Variants in CREB3L2 observed in about 807,000 individuals in gnomAD.
The protein encoded by CREB3L2 is cyclic AMP-responsive element-binding protein 3-like protein 2.
CREB3L2 carries 23 observed loss-of-function variants against 57.2 expected under a neutral mutation model. The observed-to-expected ratio is 0.40, with a 90% CI of 0.29 to 0.57. The LOEUF is 0.57. CREB3L2 is among the 20% of genes least tolerant of loss of function. The pLI is 0.42. For synonymous variants in CREB3L2, 268 were observed against 265.1 expected (o/e 1.01, Z -0.11); for missense variants, 628 against 634.7 (o/e 0.99, Z 0.11).
chr7:137,991,859 G>C (rs1336725717), intron 1 of CREB3L2, among the ~76,000 whole-genome samples: 1 of 150,138 alleles, frequency 6.7e-6, no homozygotes, highest in African/African-American at 2.5e-5. Flanking sequence ...AGTGAGCCAA[G>C]ATCACGCCAT....
At chr7:137,973,419 C>T (rs988097471) in intron 1 of CREB3L2, among the ~76,000 whole-genome samples, 3 of 152,134 alleles carry the variant, frequency 2.0e-5, no homozygotes, top group Non-Finnish European at 4.4e-5. Context: ...CCCACCGGCG[C>T]CTATTCTCTT....
intron 1 of CREB3L2, chr7:137,953,324 G>C: frequency 2.3e-6 from 1 of 425,564 alleles, no homozygotes; most frequent in Non-Finnish European, 4.4e-6. Context: ...TTGATTAACT[G>C]CTACTCCACA....
chr7:137,928,636 G>T (rs527317309), intron 1 of CREB3L2, among the ~76,000 whole-genome samples: 1 of 152,294 alleles, frequency 6.6e-6, no homozygotes, highest in East Asian at 1.9e-4. Flanking sequence ...GCACATTAGT[G>T]GGAAGGCTGG....
intron 10 of CREB3L2, among the ~76,000 whole-genome samples, chr7:137,883,401 G>C (rs1432599470): frequency 2.0e-5 from 3 of 152,126 alleles, no homozygotes; most frequent in African/African-American, 7.2e-5. Context: ...GACCCCCAGT[G>C]GACGGCTGAA....
At chr7:137,892,443 G>A (rs1340725818) in intron 8 of CREB3L2, among the ~76,000 whole-genome samples, 1 of 151,732 alleles carries the variant, frequency 6.6e-6, no homozygotes. Flanking sequence ...TTGAGGTCAG[G>A]AGTTCGAGAC....
At chr7:137,971,860 C>T (rs1236791477) in intron 1 of CREB3L2, among the ~76,000 whole-genome samples, 1 of 151,486 alleles carries the variant, frequency 6.6e-6, no homozygotes, top group East Asian at 1.9e-4. Flanking sequence ...ATGAACAATA[C>T]ACGGCCATTA....
At chr7:137,928,620 GAC>G (rs1329111456) in intron 1 of CREB3L2, among the ~76,000 whole-genome samples, 1 of 152,158 alleles carries the variant, frequency 6.6e-6, no homozygotes, top group Non-Finnish European at 1.5e-5. Flanking sequence ...TGTGTTCCCT[GAC>G]ACAGCACATT....
intron 1 of CREB3L2, among the ~76,000 whole-genome samples, chr7:137,972,734 T>G (rs1208020960): frequency 5.0e-3 from 116 of 23,388 alleles, no homozygotes; most frequent in Non-Finnish European, 5.6e-3. Context: ...TATATATATA[T>G]ATAGAGAGAG....
At position 137,879,393 on chromosome 7, in the gene CREB3L2, G is replaced by A. The variant is rs373410712; in HGVS notation, c.*1083C>T. 5 of 459,064 alleles carry A rather than the reference G, an allele frequency of 1.1e-5. No individual in the cohort carries two copies. The highest frequency in any genetic ancestry group is 4.4e-4 in the Middle Eastern group (1 of 2,292). 28.4% of individuals were successfully genotyped at this position (459,064 alleles called of 1,614,324 possible). On this transcript the variant is annotated 3_prime_UTR_variant, in exon 12 of 12. Transcript: ENST00000330387. ...GAAAGCCAGCAAGGTTGTCTGAAAT[G>A]TCTGTTGTCAGAACAGGGCTTCCCC...
intron 1 of CREB3L2, among the ~76,000 whole-genome samples, chr7:137,956,383 C>A (rs1801211025): frequency 6.6e-6 from 1 of 152,184 alleles, no homozygotes. Flanking sequence ...ACCACTCTTG[C>A]CAGAAGAAAA....
In CREB3L2 at chr7:137,919,979, C is replaced by T. The variant is rs373111293; in HGVS notation, c.320-3967G>A. ...ACACTATTGTCTTTGGATGAACACA[C>T]AGGGACATGGCCTGCTCCACTTCAT... On this transcript the variant is annotated intron_variant, in intron 2 of 11. Coordinates refer to ENST00000330387, the MANE Select transcript of CREB3L2 (RefSeq NM_194071.4). Among the ~76,000 whole-genome samples, 6 of 152,266 alleles carry T rather than the reference C, an allele frequency of 3.9e-5. No individual in the cohort carries two copies. In the East Asian group the frequency reaches 1.2e-3, roughly 29 times the overall value.
chr7:137,922,390 A>ATATATG (rs1800314648), intron 2 of CREB3L2, among the ~76,000 whole-genome samples: 1 of 18,292 alleles, frequency 5.5e-5, no homozygotes, highest in Non-Finnish European at 9.3e-5. Context: ...ATATGTATAT[A>ATATATG]TATATATATA....
At position 137,877,209 on chromosome 7, in the gene CREB3L2, G is replaced by T. The variant is rs988604643; in HGVS notation, c.*3267C>A. On this transcript the variant is annotated 3_prime_UTR_variant, in exon 12 of 12. Transcript: ENST00000330387. ...AAAAAAAAACATGGTAATTATAAGG[G>T]GTCTGTGAATAAGTTAAACTAAAAG... 8.8e-6 allele frequency: 2 copies of T among 227,992 alleles called. No homozygotes were observed. Among genetic ancestry groups the T allele is most frequent in the Non-Finnish European group, 1.7e-5 (2 of 114,954 alleles). The allele number at this position is 227,992 out of a possible 1,614,324, so 14.1% of individuals were successfully genotyped here.
chr7:137,953,299 C>T, intron 1 of CREB3L2: 1 of 375,116 alleles, frequency 2.7e-6, no homozygotes, highest in South Asian at 2.0e-5. Context: ...CACTGAAAAC[C>T]TGCTTACCGC....
chr7:137,879,162 T>C lies in CREB3L2; in HGVS notation c.*1314A>G. 2.0e-6 allele frequency: 1 copy of C among 508,034 alleles called. No individual in the cohort carries two copies. Among genetic ancestry groups the C allele is most frequent in the Non-Finnish European group, 3.7e-6 (1 of 269,932 alleles). 31.5% of individuals were successfully genotyped at this position (508,034 alleles called of 1,614,324 possible). The stretch of plus-strand genomic sequence containing the variant: ...TTTTTTAAACTACAAAAGTTACTTT[T>C]AACCATAAAAAAAAAACAAAAAAAC... On this transcript the variant is annotated 3_prime_UTR_variant, in exon 12 of 12. Coordinates refer to ENST00000330387, the MANE Select transcript of CREB3L2 (RefSeq NM_194071.4).
chr7:137,999,041 C>G (rs1802034677), intron 1 of CREB3L2, among the ~76,000 whole-genome samples: 1 of 152,154 alleles, frequency 6.6e-6, no homozygotes, highest in African/African-American at 2.4e-5. Flanking sequence ...GCACTGGTGT[C>G]TCAGAAGCAC....
intron 2 of CREB3L2, among the ~76,000 whole-genome samples, chr7:137,925,837 CTT>C (rs1800442681): frequency 6.6e-6 from 1 of 152,210 alleles, no homozygotes; most frequent in Admixed American, 6.5e-5. Flanking sequence ...AGGAAAGTGA[CTT>C]TTACTCAGAT....
intron 4 of CREB3L2, among the ~76,000 whole-genome samples, chr7:137,909,518 G>A (rs1050527951): frequency 1.3e-5 from 2 of 152,164 alleles, no homozygotes; most frequent in Admixed American, 6.5e-5. Context: ...GCAGGTAAAC[G>A]CTTCACTCCT....
rs369328257 is a variant in CREB3L2 at position 137,962,771 on chromosome 7, G to A, written c.103-34405C>T. On this transcript the variant is annotated intron_variant, in intron 1 of 11. Coordinates refer to ENST00000330387, the MANE Select transcript of CREB3L2 (RefSeq NM_194071.4). ...CACATGAGTTCCATGGGGGCCGAAC[G>A]TTTGTCTACTTGATTCACTGCTACA... Among the ~76,000 whole-genome samples the A allele has an allele frequency of 2.0e-4, 30 of 152,266 alleles. No individual in the cohort carries two copies. The East Asian group carries it at 2.3e-3, about 12-fold the overall frequency.
Sources: gnomAD v4.1 joint callset for allele counts (sites outside exome capture counted in the v4.1 genomes callset) on GRCh38, gnomAD v4.1.1 for gene constraint, MANE v1.5 for transcripts, NCBI Gene and HGNC (gene_info 2026-07-23, HGNC 2026-07-21) for gene names.